Variants in CPNE4 observed in about 807,000 individuals in gnomAD.
The protein encoded by CPNE4 is copine 4.
CPNE4 carries 25 observed loss-of-function variants against 67.9 expected under a neutral mutation model. The ratio of observed to expected loss-of-function variants is 0.37; its 90% confidence interval spans 0.27 to 0.51. The LOEUF (loss-of-function observed/expected upper bound fraction) is 0.51. Among genes scored for constraint, CPNE4 ranks in the 20% least tolerant of loss-of-function variants. The pLI is 0.93. For synonymous variants in CPNE4, 242 were observed against 244.9 expected (o/e 0.99, Z 0.11); for missense variants, 464 against 690.8 (o/e 0.67, Z 3.68).
chr3:131,665,139 C>A lies in CPNE4; in HGVS notation c.681+4536G>T, dbSNP rs2080225800. ...CACTTTAGAAGGCTGAGGGAGAGGA[C>A]TGCTTGAGCCCAGGAGTTCGAGACC... On this transcript the variant is annotated intron_variant, in intron 7 of 15. Transcript: ENST00000429747. Among the ~76,000 whole-genome samples, 2 of 152,078 alleles carry A rather than the reference C, an allele frequency of 1.3e-5. 1 individual carries two copies. The highest frequency in any genetic ancestry group is 1.3e-4 in the Admixed American group (2 of 15,254).
intron 2 of CPNE4, among the ~76,000 whole-genome samples, chr3:131,823,211 T>C (rs1218953708): frequency 6.6e-6 from 1 of 152,202 alleles, no homozygotes; most frequent in African/African-American, 2.4e-5. Context: ...TTATTGAAAG[T>C]ATACTATGTG....
At chr3:131,662,148 C>G (rs1446345888) in intron 7 of CPNE4, among the ~76,000 whole-genome samples, 6 of 151,902 alleles carry the variant, frequency 3.9e-5, no homozygotes, top group African/African-American at 4.8e-5. Flanking sequence ...AAATAAGAGG[C>G]AAGTAGGGAC....
intron 2 of CPNE4, among the ~76,000 whole-genome samples, chr3:131,896,806 G>C (rs1383494976): frequency 6.6e-6 from 1 of 152,048 alleles, no homozygotes; most frequent in East Asian, 1.9e-4. Context: ...TGAGATCAGG[G>C]ACCATCAGCA....
rs1490932731 is a variant in CPNE4 at position 131,696,465 on chromosome 3, G to T, written c.507+77C>A. 7 of 1,365,336 alleles carry T rather than the reference G, an allele frequency of 5.1e-6. No individual in the cohort carries two copies. The African/African-American group carries it at 1.0e-4, about 20-fold the overall frequency. The allele number at this position is 1,365,336 out of a possible 1,614,324, so 84.6% of individuals were successfully genotyped here. A position where few individuals can be genotyped will look rare whatever the true frequency, so the allele number is the denominator to read the frequency against. ...TAATGTGGGTGGAAAGGGAAAAATA[G>T]TTGCAGGGGGAAATCTGATTAAACT... On this transcript the variant is annotated intron_variant, in intron 5 of 15. Coordinates refer to ENST00000429747, the MANE Select transcript of CPNE4 (RefSeq NM_130808.3).
At chr3:132,028,936 T>C (rs1188107870) in intron 1 of CPNE4, among the ~76,000 whole-genome samples, 1 of 151,952 alleles carries the variant, frequency 6.6e-6, no homozygotes. Flanking sequence ...TTTTTTTTTT[T>C]TTAAAGGGTG....
At position 131,921,882 on chromosome 3, in the gene CPNE4, G is replaced by C. The variant is rs527648513; in HGVS notation, c.-1-16438C>G. Reference sequence around the variant, plus strand: ...GACATGCTTTGGTCCAAACTAGAGAGAAGAGAGAAGAGAGGTAATATTTAT... The same window carrying C: ...GACATGCTTTGGTCCAAACTAGAGACAAGAGAGAAGAGAGGTAATATTTAT... On this transcript the variant is annotated intron_variant, in intron 1 of 15. Transcript: ENST00000429747. 7.0e-4 allele frequency among the ~76,000 whole-genome samples: 107 copies of C among 152,260 alleles called. 1 individual carries two copies. Among genetic ancestry groups the C allele is most frequent in the African/African-American group, 2.5e-3 (105 of 41,538 alleles).
At chr3:131,741,058 T>G (rs1486063887) in intron 2 of CPNE4, among the ~76,000 whole-genome samples, 1 of 152,198 alleles carries the variant, frequency 6.6e-6, no homozygotes, top group Non-Finnish European at 1.5e-5. Flanking sequence ...GCACCCTATC[T>G]GTAACATTAA....
At chr3:131,727,348 A>G (rs1245924806) in intron 2 of CPNE4, among the ~76,000 whole-genome samples, 1 of 152,078 alleles carries the variant, frequency 6.6e-6, no homozygotes, top group African/African-American at 2.4e-5. Flanking sequence ...TAATCCCAGC[A>G]CTTTTGGAGG....
chr3:131,614,854 C>A (rs1281960449), intron 7 of CPNE4, among the ~76,000 whole-genome samples: 1 of 152,124 alleles, frequency 6.6e-6, no homozygotes, highest in Non-Finnish European at 1.5e-5. Context: ...TGTCTTAATA[C>A]CTTGTTCAAG....
intron 5 of CPNE4, among the ~76,000 whole-genome samples, chr3:131,688,144 T>C (rs1326016520): frequency 1.3e-5 from 2 of 152,156 alleles, no homozygotes; most frequent in Non-Finnish European, 2.9e-5. Context: ...TCTAGAAACT[T>C]TGTAGTATAT....
At chr3:131,578,359 T>A (rs1937604055) in intron 9 of CPNE4, among the ~76,000 whole-genome samples, 1 of 152,130 alleles carries the variant, frequency 6.6e-6, no homozygotes, top group African/African-American at 2.4e-5. Context: ...TTGTGTGTGT[T>A]CTCACTGCTC....
intron 2 of CPNE4, among the ~76,000 whole-genome samples, chr3:131,733,955 T>C (rs2082182028): frequency 6.6e-6 from 1 of 152,226 alleles, no homozygotes; most frequent in Non-Finnish European, 1.5e-5. Flanking sequence ...AAGGTGGCCT[T>C]GCTGAGGCCT....
chr3:131,750,782 A>G (rs1034368110), intron 2 of CPNE4, among the ~76,000 whole-genome samples: 2 of 151,698 alleles, frequency 1.3e-5, no homozygotes, highest in African/African-American at 2.4e-5. Flanking sequence ...TTCTTTTATC[A>G]TTTCCTTTCT....
intron 1 of CPNE4, among the ~76,000 whole-genome samples, chr3:131,967,348 AC>A (rs1307461196): frequency 2.0e-5 from 3 of 152,238 alleles, no homozygotes; most frequent in African/African-American, 7.2e-5. Context: ...CTCCTTTTCA[AC>A]ATAGTGTTGG....
At chr3:131,704,926 A>G (rs1241749409) in intron 3 of CPNE4, among the ~76,000 whole-genome samples, 2 of 152,128 alleles carry the variant, frequency 1.3e-5, no homozygotes, top group Non-Finnish European at 2.9e-5. Flanking sequence ...GAGATAATTA[A>G]GGTCAAATGA....
intron 10 of CPNE4, among the ~76,000 whole-genome samples, chr3:131,571,013 G>A (rs145988143): frequency 4.9e-4 from 75 of 151,830 alleles, no homozygotes; most frequent in African/African-American, 1.8e-3. Context: ...CACCTGCTGT[G>A]TTCACTTCTT....
At chr3:131,628,916 C>T (rs1031841714) in intron 7 of CPNE4, among the ~76,000 whole-genome samples, 112 of 152,114 alleles carry the variant, frequency 7.4e-4, no homozygotes, top group African/African-American at 2.7e-3. Flanking sequence ...CTGCTCTGAT[C>T]TTAGTTATTT....
At chr3:131,717,869 C>CT (rs1319362867) in intron 3 of CPNE4, among the ~76,000 whole-genome samples, 659 of 45,098 alleles carry the variant, frequency 0.015, 41 homozygotes, top group Middle Eastern at 0.024. Flanking sequence ...TCCTTTCTTT[C>CT]TTTCTTTTCT....
intron 1 of CPNE4, among the ~76,000 whole-genome samples, chr3:132,011,344 C>T (rs1159804953): frequency 6.6e-6 from 1 of 152,188 alleles, no homozygotes; most frequent in Non-Finnish European, 1.5e-5. Flanking sequence ...ACAAGTAGCT[C>T]CTGAGCTCTT....
Sources: gnomAD v4.1 joint callset for allele counts (sites outside exome capture counted in the v4.1 genomes callset) on GRCh38, gnomAD v4.1.1 for gene constraint, MANE v1.5 for transcripts, NCBI Gene and HGNC (gene_info 2026-07-23, HGNC 2026-07-21) for gene names.